UNC5C: variants seen among roughly 807,000 people sequenced by gnomAD.
UNC5C encodes netrin receptor UNC5C.
UNC5C carries 47 observed loss-of-function variants against 99.8 expected under a neutral mutation model. That is an observed-to-expected ratio of 0.47 (90% CI 0.37 to 0.60). The LOEUF is 0.60. Ranked by LOEUF, UNC5C falls within the 20% of genes least tolerant of loss-of-function variation. UNC5C has a pLI of 0.00. For synonymous variants in UNC5C, 487 were observed against 452.2 expected (o/e 1.08, Z -0.98); for missense variants, 1,062 against 1,165.9 (o/e 0.91, Z 1.30).
chr4:95,196,753 TAA>T (rs1491187266), intron 12 of UNC5C, among the ~76,000 whole-genome samples: 5 of 39,312 alleles, frequency 1.3e-4, no homozygotes, highest in African/African-American at 4.6e-4. Context: ...ATGTAATATA[TAA>T]TATATATATT....
chr4:95,396,945 A>G (rs942798224), intron 1 of UNC5C, among the ~76,000 whole-genome samples: 3 of 150,500 alleles, frequency 2.0e-5, no homozygotes, highest in African/African-American at 7.5e-5. Context: ...AAAAAGCTTA[A>G]GCATATCAAC....
At chr4:95,544,451 G>A (rs1723007449) in intron 1 of UNC5C, among the ~76,000 whole-genome samples, 1 of 152,130 alleles carries the variant, frequency 6.6e-6, no homozygotes, top group African/African-American at 2.4e-5. Flanking sequence ...ACTCACATTA[G>A]AATCCTAGCT....
intron 7 of UNC5C, chr4:95,222,221 T>TATTC: frequency 6.7e-7 from 1 of 1,500,936 alleles, no homozygotes; most frequent in Non-Finnish European, 8.8e-7. Flanking sequence ...AGAAAATCCA[T>TATTC]ATTCATTCTG....
chr4:95,403,900 T>C (rs1204874607), intron 1 of UNC5C, among the ~76,000 whole-genome samples: 1 of 152,218 alleles, frequency 6.6e-6, no homozygotes, highest in African/African-American at 2.4e-5. Context: ...TTTCCAGCCA[T>C]TGAAAGCTAC....
At chr4:95,423,276 AC>A in intron 1 of UNC5C, among the ~76,000 whole-genome samples, 1 of 152,310 alleles carries the variant, frequency 6.6e-6, no homozygotes, top group East Asian at 1.9e-4. Context: ...ATTAAAGACA[AC>A]AGTGCTTTGG....
intron 4 of UNC5C, among the ~76,000 whole-genome samples, chr4:95,260,374 T>C (rs1740175558): frequency 6.6e-6 from 1 of 152,164 alleles, no homozygotes; most frequent in Non-Finnish European, 1.5e-5. Flanking sequence ...GAGCCCATTC[T>C]CCCACCACTG....
chr4:95,238,806 G>A (rs145433151), intron 7 of UNC5C, among the ~76,000 whole-genome samples: 2 of 152,166 alleles, frequency 1.3e-5, no homozygotes, highest in East Asian at 3.9e-4. Flanking sequence ...TTTCTCTTCA[G>A]CTTTATCTAA....
intron 1 of UNC5C, among the ~76,000 whole-genome samples, chr4:95,502,713 C>T (rs143795121): frequency 5.3e-5 from 8 of 152,084 alleles, no homozygotes; most frequent in African/African-American, 1.9e-4. Context: ...TTCATTATTA[C>T]TAAAAATGAA....
chr4:95,201,899 C>T (rs1049404577), intron 12 of UNC5C, among the ~76,000 whole-genome samples: 8 of 152,262 alleles, frequency 5.3e-5, no homozygotes, highest in East Asian at 1.9e-4. Flanking sequence ...CCACCACACC[C>T]GGCCGAGGGT....
chr4:95,263,415 G>A (rs956870074), intron 4 of UNC5C, among the ~76,000 whole-genome samples: 6 of 152,064 alleles, frequency 3.9e-5, no homozygotes, highest in Non-Finnish European at 5.9e-5. Flanking sequence ...GAGGATAGTG[G>A]TTCTGTTACC....
At chr4:95,527,110 A>G (rs1337073007) in intron 1 of UNC5C, among the ~76,000 whole-genome samples, 1 of 152,080 alleles carries the variant, frequency 6.6e-6, no homozygotes, top group Non-Finnish European at 1.5e-5. Flanking sequence ...TACCCTATTC[A>G]CAAACTTCCT....
intron 1 of UNC5C, among the ~76,000 whole-genome samples, chr4:95,406,852 A>G (rs2149450317): frequency 6.6e-6 from 1 of 152,346 alleles, no homozygotes; most frequent in East Asian, 1.9e-4. Flanking sequence ...ACTTCAAACT[A>G]TATTTTCAAC....
intron 1 of UNC5C, among the ~76,000 whole-genome samples, chr4:95,348,134 C>T (rs185403475): frequency 1.8e-4 from 28 of 152,038 alleles, no homozygotes; most frequent in South Asian, 1.0e-3. Context: ...GACACACAAA[C>T]GGCAAGCAGG....
At chr4:95,511,642 A>G (rs905275097) in intron 1 of UNC5C, among the ~76,000 whole-genome samples, 1 of 152,138 alleles carries the variant, frequency 6.6e-6, no homozygotes, top group Non-Finnish European at 1.5e-5. Flanking sequence ...TCATGGATAC[A>G]ACAGTAACCA....
At chr4:95,180,645 G>A (rs1736575480) in intron 14 of UNC5C, among the ~76,000 whole-genome samples, 1 of 152,178 alleles carries the variant, frequency 6.6e-6, no homozygotes, top group African/African-American at 2.4e-5. Context: ...CCTGGTCTCT[G>A]GGGTGGGCAA....
intron 4 of UNC5C, among the ~76,000 whole-genome samples, chr4:95,269,815 T>C (rs6854987): frequency 0.1 from 15,501 of 151,926 alleles, 2,249 homozygotes; most frequent in African/African-American, 0.33. Flanking sequence ...TGGGTTCAAG[T>C]GATTCTCCTG....
intron 1 of UNC5C, among the ~76,000 whole-genome samples, chr4:95,418,760 T>A (rs750204191): frequency 1.3e-5 from 2 of 152,152 alleles, no homozygotes; most frequent in Non-Finnish European, 1.5e-5. Context: ...TAAAAAAATA[T>A]CCAACTTTCT....
intron 12 of UNC5C, among the ~76,000 whole-genome samples, chr4:95,201,082 T>A (rs749330693): frequency 7.9e-5 from 12 of 152,164 alleles, no homozygotes; most frequent in Non-Finnish European, 1.8e-4. Context: ...CATGCTGGCA[T>A]CTTGATCTCA....
rs181672529 is a variant in UNC5C at position 95,419,532 on chromosome 4, C to A, written c.125-83901G>T. On this transcript the variant is annotated intron_variant, in intron 1 of 15. Coordinates refer to ENST00000453304, the MANE Select transcript of UNC5C (RefSeq NM_003728.4). The stretch of plus-strand genomic sequence containing the variant: ...TCCCTCCAACTTCAGAGAGGATATG[C>A]TATGGCTCTCAGCAGTCAAATGCAG... Among the ~76,000 whole-genome samples the A allele has an allele frequency of 5.3e-3, 802 of 152,274 alleles. 9 individuals carry two copies. Among genetic ancestry groups the A allele is most frequent in the African/African-American group, 0.018 (756 of 41,554 alleles).
Sources: allele counts gnomAD v4.1 joint callset (sites outside exome capture counted in the v4.1 genomes callset), GRCh38; gene constraint gnomAD v4.1.1; transcripts MANE v1.5; gene names NCBI Gene and HGNC (gene_info 2026-07-23, HGNC 2026-07-21).